AKT3: variants seen among roughly 807,000 people sequenced by gnomAD.
AKT3 encodes AKT serine/threonine kinase 3.
AKT3 carries 15 observed loss-of-function variants against 65.3 expected under a neutral mutation model. The observed-to-expected ratio is 0.23, with a 90% CI of 0.15 to 0.35. The LOEUF is 0.35. Among genes scored for constraint, AKT3 ranks in the 10% least tolerant of loss-of-function variants. The pLI is 1.00. For synonymous variants in AKT3, 206 were observed against 183.8 expected (o/e 1.12, Z -0.98); for missense variants, 243 against 576.5 (o/e 0.42, Z 5.92).
At chr1:243,752,240 T>C (rs925958717) in intron 2 of AKT3, among the ~76,000 whole-genome samples, 2 of 152,182 alleles carry the variant, frequency 1.3e-5, no homozygotes, top group African/African-American at 4.8e-5. Context: ...CATATATGCA[T>C]CTGAAAGGTA....
chr1:243,743,165 G>A (rs1688265909), intron 2 of AKT3, among the ~76,000 whole-genome samples: 1 of 152,144 alleles, frequency 6.6e-6, no homozygotes, highest in Non-Finnish European at 1.5e-5. Flanking sequence ...CTAAAATACT[G>A]CTCAAGAATC....
chr1:243,770,478 C>T (rs2148275169), intron 2 of AKT3, among the ~76,000 whole-genome samples: 1 of 152,050 alleles, frequency 6.6e-6, no homozygotes, highest in South Asian at 2.1e-4. Flanking sequence ...TCAAGTAAAA[C>T]TAATTGCTTT....
intron 4 of AKT3, among the ~76,000 whole-genome samples, chr1:243,657,888 T>C (rs1167477217): frequency 1.3e-5 from 2 of 152,040 alleles, no homozygotes; most frequent in African/African-American, 4.8e-5. Flanking sequence ...TAACACAATG[T>C]GGAAATATAA....
At chr1:243,498,896 G>A (rs756862792), downstream of AKT3, among the ~76,000 whole-genome samples, 6 of 152,236 alleles carry the variant, frequency 3.9e-5, no homozygotes, top group Non-Finnish European at 7.3e-5. Context: ...TTTATCTGAC[G>A]TAGAAACCGG....
chr1:243,523,260 A>AACACTC, intron 12 of AKT3, among the ~76,000 whole-genome samples: 1 of 126,512 alleles, frequency 7.9e-6, no homozygotes, highest in South Asian at 3.0e-4. Flanking sequence ...AAAAAGGACG[A>AACACTC]ACACACACAC....
At chr1:243,730,713 G>A (rs1376174904) in intron 2 of AKT3, among the ~76,000 whole-genome samples, 2 of 152,198 alleles carry the variant, frequency 1.3e-5, no homozygotes, top group African/African-American at 2.4e-5. Context: ...GCCGAGCCGC[G>A]GGTGGAGAGA....
At chr1:243,622,721 T>A (rs912660131) in intron 6 of AKT3, among the ~76,000 whole-genome samples, 5 of 152,172 alleles carry the variant, frequency 3.3e-5, no homozygotes, top group African/African-American at 1.2e-4. Flanking sequence ...CAATGACAGT[T>A]GATGAAGGTA....
intron 6 of AKT3, among the ~76,000 whole-genome samples, chr1:243,636,021 A>C (rs888705722): frequency 3.3e-5 from 5 of 152,056 alleles, no homozygotes; most frequent in Non-Finnish European, 7.4e-5. Context: ...TACTCAGAAA[A>C]GTGTAAGTAG....
In AKT3 at chr1:243,668,186, C is replaced by T. The variant is rs991257050; in HGVS notation, c.173-3303G>A. 2.0e-5 allele frequency among the ~76,000 whole-genome samples: 3 copies of T among 152,126 alleles called. 1 individual carries two copies. The South Asian group carries it at 6.2e-4, about 32-fold the overall frequency. ...AGACACATAGTAGGTACTCAATAAA[C>T]ATTTTCCAAATGAATTCTGATAGTA... is the stretch of plus-strand genomic sequence containing the variant. On this transcript the variant is annotated intron_variant, in intron 3 of 13. Coordinates refer to ENST00000673466, the MANE Select transcript of AKT3 (RefSeq NM_005465.7).
At chr1:243,682,983 A>AGGGTCTGT (rs1469337759) in intron 3 of AKT3, among the ~76,000 whole-genome samples, 1 of 152,160 alleles carries the variant, frequency 6.6e-6, no homozygotes, top group Non-Finnish European at 1.5e-5. Context: ...ACCAATCCCA[A>AGGGTCTGT]GGGTCTGTGG....
chr1:243,613,763 T>C, intron 7 of AKT3, 24 bp from the exon 8 acceptor site: 1 of 1,494,962 alleles, frequency 6.7e-7, no homozygotes, highest in Non-Finnish European at 9.2e-7. Flanking sequence ...AAAGAAAAAA[T>C]GTTACATTAT....
At chr1:243,637,859 C>A in intron 5 of AKT3, 117 bp from the exon 6 acceptor site, 1 of 607,378 alleles carries the variant, frequency 1.6e-6, no homozygotes, top group South Asian at 3.3e-5. Flanking sequence ...TTTATAAGCA[C>A]ATTTAAATGA....
At chr1:243,692,489 T>A (rs1474341573) in intron 3 of AKT3, among the ~76,000 whole-genome samples, 3 of 152,040 alleles carry the variant, frequency 2.0e-5, no homozygotes, top group African/African-American at 7.2e-5. Context: ...TTCCAGCACT[T>A]TGGGAGGCTA....
At chr1:243,705,872 T>C (rs1558739449) in intron 2 of AKT3, among the ~76,000 whole-genome samples, 1 of 152,238 alleles carries the variant, frequency 6.6e-6, no homozygotes, top group Admixed American at 6.5e-5. Flanking sequence ...ATCTGTTTAC[T>C]GCATTAGAGC....
chr1:243,615,105 G>A lies in AKT3; in HGVS notation c.618C>T (p.Pro206=). 15 of 1,604,434 alleles carry A rather than the reference G, an allele frequency of 9.3e-6. No individual in the cohort carries two copies. The highest frequency in any genetic ancestry group is 1.3e-5 in the Non-Finnish European group (15 of 1,173,472). Residue 206 remains proline, a synonymous_variant, in exon 7 of 14, where the codon CCC becomes CCT. Coordinates refer to ENST00000673466, the MANE Select transcript of AKT3 (RefSeq NM_005465.7). ...ESRVLKNTRH[P]FLTSLKYSFQ... ...TCCTCTAGTCACTTACTGTTAAAAA[G>A]GGATGTCTAGTGTTCTTTAATACTC...
At position 243,508,780 on chromosome 1, in the gene AKT3, C is replaced by T. The variant is rs531249378; in HGVS notation, c.1355-3446G>A. On this transcript the variant is annotated intron_variant, in intron 13 of 13. Coordinates refer to ENST00000673466, the MANE Select transcript of AKT3 (RefSeq NM_005465.7). ...TCCCGGGTTCAAGCGATCCTCCTGC[C>T]TCAGCCTCCCGAGTGGCTGGAATCA... Among the ~76,000 whole-genome samples the T allele has an allele frequency of 2.6e-5, 4 of 151,942 alleles. No homozygotes were observed. The South Asian group carries it at 8.3e-4, about 32-fold the overall frequency.
At chr1:243,594,494 T>C (rs1476342769) in intron 8 of AKT3, among the ~76,000 whole-genome samples, 1 of 152,204 alleles carries the variant, frequency 6.6e-6, no homozygotes, top group Non-Finnish European at 1.5e-5. Context: ...AATTATCAAG[T>C]TAGCGTGGTA....
intron 2 of AKT3, among the ~76,000 whole-genome samples, chr1:243,796,753 G>A (rs1692038707): frequency 6.6e-6 from 1 of 152,164 alleles, no homozygotes; most frequent in South Asian, 2.1e-4. Flanking sequence ...TTCAAAGGTG[G>A]ACAGACAAAA....
chr1:243,696,309 C>A (rs144326294), intron 2 of AKT3, among the ~76,000 whole-genome samples: 1 of 151,836 alleles, frequency 6.6e-6, no homozygotes. Context: ...TTCAACGATA[C>A]GCAAACTCAC....
Sources: gnomAD v4.1 joint callset for allele counts (sites outside exome capture counted in the v4.1 genomes callset) on GRCh38, gnomAD v4.1.1 for gene constraint, MANE v1.5 for transcripts, NCBI Gene and HGNC (gene_info 2026-07-23, HGNC 2026-07-21) for gene names.